CAGE1: variants seen among roughly 807,000 people sequenced by gnomAD.
CAGE1 encodes the protein cancer antigen 1.
Under a neutral mutation model 94.9 loss-of-function variants are expected in CAGE1, and 66 were observed. The observed-to-expected ratio is 0.70, with a 90% CI of 0.57 to 0.85. The LOEUF (loss-of-function observed/expected upper bound fraction) is 0.85. Ranked by LOEUF, CAGE1 falls within the 40% of genes least tolerant of loss-of-function variation. The probability of loss-of-function intolerance (pLI) is 0.00; values close to 1 mark genes in which losing one functional copy is unlikely to be tolerated. For synonymous variants in CAGE1, 319 were observed against 321.0 expected (o/e 0.99, Z 0.07); for missense variants, 865 against 950.4 (o/e 0.91, Z 1.18).
chr6:7,341,805 A>G (rs1357590089), intron 11 of CAGE1: 2 of 680,220 alleles, frequency 2.9e-6, no homozygotes, highest in Non-Finnish European at 5.6e-6. Flanking sequence ...GAACAACCAC[A>G]TTTTCTGGAT....
At chr6:7,329,308 C>T in intron 13 of CAGE1, 1 of 370,000 alleles carries the variant, frequency 2.7e-6, no homozygotes, top group Non-Finnish European at 4.8e-6. Context: ...TAGAAAGCTG[C>T]AGTTGGTTAG....
At chr6:7,332,756 C>T (rs1250134504) in intron 12 of CAGE1, among the ~76,000 whole-genome samples, 1 of 152,184 alleles carries the variant, frequency 6.6e-6, no homozygotes, top group African/African-American at 2.4e-5. Context: ...ATCTTCCCTA[C>T]TCTCCATACT....
At chr6:7,353,855 C>T (rs1759864564) in intron 11 of CAGE1, among the ~76,000 whole-genome samples, 1 of 151,976 alleles carries the variant, frequency 6.6e-6, no homozygotes. Flanking sequence ...GAAAACCAAA[C>T]ATCGTATGTT....
intron 4 of CAGE1, among the ~76,000 whole-genome samples, chr6:7,375,803 TCTG>T (rs1278849865): frequency 1.3e-5 from 2 of 152,182 alleles, no homozygotes; most frequent in African/African-American, 4.8e-5. Context: ...GACAAGGACT[TCTG>T]TATTTTGTTT....
intron 9 of CAGE1, among the ~76,000 whole-genome samples, chr6:7,357,108 A>G (rs897858500): frequency 8.5e-5 from 13 of 152,096 alleles, no homozygotes; most frequent in Non-Finnish European, 2.9e-5. Flanking sequence ...TAATGTTTCA[A>G]ATATACTTAC....
intron 11 of CAGE1, among the ~76,000 whole-genome samples, chr6:7,340,267 G>T (rs1361311754): frequency 6.6e-6 from 1 of 151,982 alleles, no homozygotes; most frequent in Non-Finnish European, 1.5e-5. Context: ...TGATGGGATT[G>T]TTTTTTTCTT....
chr6:7,385,228 C>T (rs1002972782), intron 3 of CAGE1, among the ~76,000 whole-genome samples: 2 of 152,000 alleles, frequency 1.3e-5, no homozygotes, highest in African/African-American at 4.8e-5. Context: ...TGGTCTTGAA[C>T]TCCCGACCTC....
intron 11 of CAGE1, among the ~76,000 whole-genome samples, chr6:7,345,775 A>T (rs569332340): frequency 1.0e-3 from 153 of 151,792 alleles, no homozygotes; most frequent in African/African-American, 3.3e-3. Flanking sequence ...TACAAAAAAA[A>T]TTAGCTGGGC....
At chr6:7,344,583 C>G (rs1428107191) in intron 11 of CAGE1, among the ~76,000 whole-genome samples, 1 of 152,196 alleles carries the variant, frequency 6.6e-6, no homozygotes, top group East Asian at 1.9e-4. Flanking sequence ...ATCCACCACC[C>G]AAGGGCTGAG....
intron 13 of CAGE1, among the ~76,000 whole-genome samples, chr6:7,327,348 T>C (rs922722652): frequency 6.6e-6 from 1 of 151,958 alleles, no homozygotes; most frequent in African/African-American, 2.4e-5. Flanking sequence ...AGAGATGGGG[T>C]TTTGCCATGT....
At chr6:7,342,250 A>G (rs1759208815) in intron 11 of CAGE1, among the ~76,000 whole-genome samples, 1 of 152,166 alleles carries the variant, frequency 6.6e-6, no homozygotes, top group African/African-American at 2.4e-5. Flanking sequence ...CAGGCCACTT[A>G]TGGCCCCAGA....
At chr6:7,336,700 G>A (rs1238890144) in intron 11 of CAGE1, among the ~76,000 whole-genome samples, 1 of 151,972 alleles carries the variant, frequency 6.6e-6, no homozygotes, top group Non-Finnish European at 1.5e-5. Flanking sequence ...AGTAGACATG[G>A]GATTTTGCTG....
intron 11 of CAGE1, among the ~76,000 whole-genome samples, chr6:7,335,181 C>A (rs141323324): frequency 7.8e-4 from 118 of 152,250 alleles, no homozygotes; most frequent in African/African-American, 2.7e-3. Context: ...TTATAAGGAC[C>A]CCTGTGATTG....
intron 3 of CAGE1, among the ~76,000 whole-genome samples, chr6:7,381,723 T>C (rs1323542173): frequency 1.3e-5 from 2 of 152,042 alleles, no homozygotes; most frequent in African/African-American, 4.8e-5. Context: ...GAGATGGGAT[T>C]CCACCATGTT....
intron 11 of CAGE1, among the ~76,000 whole-genome samples, chr6:7,348,757 T>C (rs557968879): frequency 1.8e-4 from 27 of 151,938 alleles, no homozygotes; most frequent in African/African-American, 6.3e-4. Flanking sequence ...CTTATAGAAA[T>C]GCAAAATGCT....
At chr6:7,371,014 C>T (rs1760521320) in intron 5 of CAGE1, among the ~76,000 whole-genome samples, 1 of 152,172 alleles carries the variant, frequency 6.6e-6, no homozygotes, top group Admixed American at 6.5e-5. Flanking sequence ...AAATTATATA[C>T]TATGCTAAAT....
Position 7,373,217 on chromosome 6 carries a change from C to T in CAGE1, c.1602G>A (p.Gln534=). The T allele has an allele frequency of 6.2e-7, 1 of 1,611,516 alleles. No individual in the cohort carries two copies. The highest frequency in any genetic ancestry group is 8.5e-7 in the Non-Finnish European group (1 of 1,178,536). Residue 534 remains glutamine (Q), a synonymous_variant, in exon 5 of 14, where the codon CAG becomes CAA. Transcript: ENST00000502583. ...CATTTTTTACTTCGTTGATTTGCTG[C>T]TGAAGTTTTATATTCTTCGTTCTTT... The part of the protein sequence containing the change: ...ENERTKNIKL[Q]QQINEVKNEN...
intron 11 of CAGE1, among the ~76,000 whole-genome samples, chr6:7,346,946 C>T (rs1293671276): frequency 6.6e-6 from 1 of 152,160 alleles, no homozygotes; most frequent in Non-Finnish European, 1.5e-5. Context: ...AGATTCTGAC[C>T]TATGGTCTCT....
Position 7,338,724 on chromosome 6 carries a change from A to T in CAGE1, c.2370-4634T>A, listed in dbSNP as rs1259469528. 2.7e-5 allele frequency: 18 copies of T among 659,670 alleles called. No homozygotes were observed. In the East Asian group the frequency reaches 4.9e-4, roughly 18 times the overall value. The allele number at this position is 659,670 out of a possible 1,614,324, so 40.9% of individuals were successfully genotyped here. A position where few individuals can be genotyped will look rare whatever the true frequency, so the allele number is the denominator to read the frequency against. On this transcript the variant is annotated intron_variant, in intron 11 of 13. Transcript: ENST00000502583. ...TCACCCCCTTCCACTCTTTCCCCCAAGTCCCCAAAGTCCACTGTATCATTC... is the reference window on the plus strand; with the variant it reads ...TCACCCCCTTCCACTCTTTCCCCCATGTCCCCAAAGTCCACTGTATCATTC...
Sources: allele counts gnomAD v4.1 joint callset (sites outside exome capture counted in the v4.1 genomes callset), GRCh38; gene constraint gnomAD v4.1.1; transcripts MANE v1.5; gene names NCBI Gene and HGNC (gene_info 2026-07-23, HGNC 2026-07-21).